Variants in FAM177A1 observed in about 807,000 individuals in gnomAD.
The protein encoded by FAM177A1 is protein FAM177A1.
In FAM177A1, 22 loss-of-function variants were observed where a neutral mutation model predicts 26.1. The ratio of observed to expected loss-of-function variants is 0.84; its 90% confidence interval spans 0.60 to 1.20. FAM177A1 has a LOEUF of 1.20. Ranked by LOEUF, FAM177A1 falls within the 50% of genes most tolerant of loss-of-function variation. The pLI, the probability that FAM177A1 is intolerant of heterozygous loss-of-function variation, is 0.00. For synonymous variants in FAM177A1, 95 were observed against 99.3 expected (o/e 0.96, Z 0.26); for missense variants, 296 against 291.1 (o/e 1.02, Z -0.12).
intron 1 of FAM177A1, among the ~76,000 whole-genome samples, chr14:35,047,333 C>T (rs2044883773): frequency 6.6e-6 from 1 of 152,196 alleles, no homozygotes; most frequent in Non-Finnish European, 1.5e-5. Flanking sequence ...GGAGTCTTTT[C>T]TAAGTCTTTT....
At chr14:35,062,311 A>G (rs1428806054) in intron 2 of FAM177A1, among the ~76,000 whole-genome samples, 1 of 152,216 alleles carries the variant, frequency 6.6e-6, no homozygotes, top group Non-Finnish European at 1.5e-5. Flanking sequence ...CTGTTATGAT[A>G]GAGGTCTATA....
At chr14:35,046,217 G>A, upstream of FAM177A1, 1 of 347,042 alleles carries the variant, frequency 2.9e-6, no homozygotes. Flanking sequence ...GCGACGCCCC[G>A]CAAGGACCCG....
intron 2 of FAM177A1, among the ~76,000 whole-genome samples, chr14:35,071,589 C>CT (rs1413271045): frequency 6.9e-6 from 1 of 145,490 alleles, no homozygotes; most frequent in African/African-American, 2.5e-5. Context: ...AAACAAAGGG[C>CT]CCTATATATT....
chr14:35,051,617 T>G (rs185982251), intron 1 of FAM177A1, among the ~76,000 whole-genome samples: 2 of 152,170 alleles, frequency 1.3e-5, no homozygotes, highest in East Asian at 3.9e-4. Flanking sequence ...TTTGCCATGT[T>G]GGCCAGCCTG....
At chr14:35,077,410 A>G (rs761207589) in intron 3 of FAM177A1, among the ~76,000 whole-genome samples, 194 bp downstream of exon 3, 2 of 149,656 alleles carry the variant, frequency 1.3e-5, no homozygotes, top group Non-Finnish European at 3.0e-5. Flanking sequence ...CTTCCAATAT[A>G]GTTTATTTTT....
At chr14:35,070,550 G>A (rs761886254) in intron 2 of FAM177A1, among the ~76,000 whole-genome samples, 1 of 151,966 alleles carries the variant, frequency 6.6e-6, no homozygotes, top group African/African-American at 2.4e-5. Flanking sequence ...GGCTGGTCTC[G>A]AACTCCTGAC....
intron 2 of FAM177A1, among the ~76,000 whole-genome samples, chr14:35,061,616 G>A (rs1160170679): frequency 1.1e-5 from 1 of 92,916 alleles, no homozygotes; most frequent in East Asian, 3.4e-4. Context: ...ACTGTTGTGG[G>A]GTGGGGGGAG....
chr14:35,053,529 G>C, intron 2 of FAM177A1, 78 bp downstream of exon 2: 1 of 1,343,340 alleles, frequency 7.4e-7, no homozygotes, highest in South Asian at 1.3e-5. Context: ...TTGAGTGGAA[G>C]GGACCTTTTG....
At chr14:35,062,986 A>G (rs1322440074) in intron 2 of FAM177A1, among the ~76,000 whole-genome samples, 2 of 140,864 alleles carry the variant, frequency 1.4e-5, no homozygotes, top group African/African-American at 5.2e-5. Context: ...AGTATCATTT[A>G]AAAAAAAAAA....
In FAM177A1 at chr14:35,062,880, G is replaced by GT. The variant is rs78710117; in HGVS notation, c.339+9445dup. On this transcript the variant is annotated intron_variant, in intron 2 of 4. Transcript: ENST00000280987. ...AGTAGCACAAGAAATTTTATTTGCG[G>GT]TTTTTTTTTTTTTTTTACTTAAGGT... Among the ~76,000 whole-genome samples the GT allele has an allele frequency of 5.7e-3, 763 of 135,008 alleles. 1 individual carries two copies. Among genetic ancestry groups the GT allele is most frequent in the Middle Eastern group, 0.011 (3 of 270 alleles). The allele number at this position is 135,008 out of a possible 152,430, so 88.6% of individuals were successfully genotyped here.
chr14:35,046,603 C>G lies in FAM177A1; in HGVS notation c.140C>G (p.Ala47Gly), dbSNP rs1370096663. The change falls in exon 1 of 5, where the codon GCG becomes GGG. Residue 47 changes from alanine to glycine, a missense_variant. Ala to Gly is a moderately conservative substitution (Grantham distance 60). Coordinates refer to ENST00000280987, the MANE Select transcript of FAM177A1 (RefSeq NM_173607.5). ...GCAGCCTCGGGAGCTGCGGCCGCCG[C>G]GGCATTCGGGGAATCTGCAGGGCAG... ...AVAASGAAAA[A>G]AFGESAGQMS... 8 of 1,551,498 alleles carry G rather than the reference C, an allele frequency of 5.2e-6. No homozygotes were observed. The highest frequency in any genetic ancestry group is 6.1e-6 in the Non-Finnish European group (7 of 1,148,968).
At chr14:35,046,933 C>G in intron 1 of FAM177A1, 2 of 1,162,928 alleles carry the variant, frequency 1.7e-6, no homozygotes, top group Non-Finnish European at 2.1e-6. Context: ...CAAAGGCTGT[C>G]CTTGCAGTAG....
At chr14:35,048,708 G>T (rs1198184653) in intron 1 of FAM177A1, among the ~76,000 whole-genome samples, 1 of 152,066 alleles carries the variant, frequency 6.6e-6, no homozygotes, top group East Asian at 1.9e-4. Context: ...TGCCCAGGGG[G>T]TTGAGCACAG....
intron 2 of FAM177A1, among the ~76,000 whole-genome samples, chr14:35,070,058 T>C (rs2138557792): frequency 8.1e-6 from 1 of 123,696 alleles, no homozygotes; most frequent in East Asian, 2.3e-4. Context: ...GAGGTTGCAG[T>C]GAGCCAAGAT....
chr14:35,073,603 A>T (rs952386478), intron 2 of FAM177A1, among the ~76,000 whole-genome samples: 1 of 152,208 alleles, frequency 6.6e-6, no homozygotes, highest in African/African-American at 2.4e-5. Context: ...ATACTTCCTG[A>T]CTTCAGGGAC....
intron 2 of FAM177A1, among the ~76,000 whole-genome samples, chr14:35,076,506 G>C (rs552094922): frequency 2.7e-4 from 41 of 152,080 alleles, no homozygotes; most frequent in African/African-American, 8.7e-4. Flanking sequence ...ACGAGTTAAT[G>C]GGTGCAGCAC....
rs1247862108 is a variant in FAM177A1 at position 35,083,019 on chromosome 14, A to G, written c.*1791A>G. 6.6e-6 allele frequency: 1 copy of G among 152,258 alleles called. No individual in the cohort carries two copies. Among genetic ancestry groups the G allele is most frequent in the Non-Finnish European group, 1.5e-5 (1 of 68,040 alleles). 9.4% of individuals were successfully genotyped at this position (152,258 alleles called of 1,614,324 possible). ...TTGATTATATAATGTCCCATGAATT[A>G]TAGTTTACCAATAGTTCTAAAACAT... is the stretch of plus-strand genomic sequence containing the variant. On this transcript the variant is annotated 3_prime_UTR_variant, in exon 5 of 5. Coordinates refer to ENST00000280987, the MANE Select transcript of FAM177A1 (RefSeq NM_173607.5).
intron 1 of FAM177A1, among the ~76,000 whole-genome samples, chr14:35,052,579 C>G (rs2044991323): frequency 6.6e-6 from 1 of 151,870 alleles, no homozygotes; most frequent in Non-Finnish European, 1.5e-5. Flanking sequence ...TTCACCATCT[C>G]CCACTATATA....
At chr14:35,062,418 A>G (rs1489692863) in intron 2 of FAM177A1, among the ~76,000 whole-genome samples, 2 of 152,138 alleles carry the variant, frequency 1.3e-5, no homozygotes, top group Non-Finnish European at 2.9e-5. Flanking sequence ...CTGGGTGATA[A>G]GAAATCTTTT....
Sources: allele counts gnomAD v4.1 joint callset (sites outside exome capture counted in the v4.1 genomes callset), GRCh38; gene constraint gnomAD v4.1.1; transcripts MANE v1.5; gene names NCBI Gene and HGNC (gene_info 2026-07-23, HGNC 2026-07-21).